The following LRMDA variants were observed in gnomAD, a reference collection of about 807,000 sequenced individuals.
LRMDA encodes leucine-rich melanocyte differentiation-associated protein.
A neutral mutation model predicts 29.8 loss-of-function variants in LRMDA; 18 were observed. That is an observed-to-expected ratio of 0.60 (90% CI 0.42 to 0.90). The LOEUF is 0.90. Ranked by LOEUF, LRMDA falls within the 40% of genes least tolerant of loss-of-function variation. The probability of loss-of-function intolerance (pLI) is 0.00; values close to 1 mark genes in which losing one functional copy is unlikely to be tolerated. For missense variants in LRMDA, 273 were observed against 273.9 expected (o/e 1.00, Z 0.02); for synonymous variants, 125 against 109.4 (o/e 1.14, Z -0.89).
chr10:75,640,329 A>G, intron 2 of LRMDA, among the ~76,000 whole-genome samples: 1 of 152,304 alleles, frequency 6.6e-6, no homozygotes, highest in African/African-American at 2.4e-5. Flanking sequence ...GTACTCTTAA[A>G]TCTGCATTTA....
At chr10:75,889,601 T>C (rs146107366) in intron 2 of LRMDA, among the ~76,000 whole-genome samples, 2 of 152,338 alleles carry the variant, frequency 1.3e-5, no homozygotes, top group African/African-American at 2.4e-5. Flanking sequence ...GATTGGGTGA[T>C]TGTGCAATTG....
chr10:75,554,969 A>C (rs1840196828), intron 2 of LRMDA, among the ~76,000 whole-genome samples: 3 of 152,118 alleles, frequency 2.0e-5, no homozygotes, highest in Admixed American at 1.3e-4. Context: ...GGTGGAGTGG[A>C]TTCTTGTTCT....
chr10:75,450,710 C>T (rs1446141911), intron 2 of LRMDA: 1 of 152,206 alleles, frequency 6.6e-6, no homozygotes, highest in Non-Finnish European at 1.5e-5. Flanking sequence ...GCATATTTAT[C>T]AGTGTGAGGG....
rs528214984 is a variant in LRMDA at position 76,402,166 on chromosome 10, C to G, written c.601+77681C>G. 5.3e-5 allele frequency: 8 copies of G among 152,122 alleles called. No homozygotes were observed. The East Asian group carries it at 1.6e-3, about 30-fold the overall frequency. The allele number at this position is 152,122 out of a possible 1,614,324, so 9.4% of individuals were successfully genotyped here. A position where few individuals can be genotyped will look rare whatever the true frequency, so the allele number is the denominator to read the frequency against. On this transcript the variant is annotated intron_variant, in intron 6 of 6. Coordinates refer to ENST00000611255, the MANE Select transcript of LRMDA (RefSeq NM_001305581.2). ...TCTGCAGGAGGTAAAGAGGTTAGGC[C>G]GTTCCAGGAATATGGGGCAGTTTCT...
chr10:76,352,688 G>A (rs1235758146), intron 6 of LRMDA, among the ~76,000 whole-genome samples: 2 of 152,118 alleles, frequency 1.3e-5, no homozygotes, highest in South Asian at 2.1e-4. Context: ...AGGGACTACT[G>A]TATACATATT....
intron 5 of LRMDA, among the ~76,000 whole-genome samples, chr10:76,312,426 G>A (rs902049418): frequency 6.6e-6 from 1 of 152,054 alleles, no homozygotes; most frequent in Non-Finnish European, 1.5e-5. Flanking sequence ...GACAGAGCTG[G>A]CTTCAACTCA....
intron 2 of LRMDA, among the ~76,000 whole-genome samples, chr10:75,802,054 C>T (rs1284114990): frequency 6.6e-6 from 1 of 152,164 alleles, no homozygotes; most frequent in South Asian, 2.1e-4. Context: ...CATGGTGGCT[C>T]ATGCCTGTAA....
At chr10:75,643,640 A>G (rs1158754380) in intron 2 of LRMDA, among the ~76,000 whole-genome samples, 1 of 152,324 alleles carries the variant, frequency 6.6e-6, no homozygotes, top group Admixed American at 6.5e-5. Flanking sequence ...GCCACATCAG[A>G]TTTCTGTTCT....
At chr10:75,841,284 A>G (rs1844536731) in intron 2 of LRMDA, among the ~76,000 whole-genome samples, 1 of 152,184 alleles carries the variant, frequency 6.6e-6, no homozygotes, top group African/African-American at 2.4e-5. Context: ...TGTGTCCTTA[A>G]AGGCCTTGAG....
intron 6 of LRMDA, among the ~76,000 whole-genome samples, chr10:76,512,181 G>A (rs1206970685): frequency 6.6e-6 from 1 of 152,154 alleles, no homozygotes; most frequent in African/African-American, 2.4e-5. Context: ...TATGTAAGAA[G>A]TGCCTTTCAT....
chr10:75,950,542 T>A (rs1846555916), intron 2 of LRMDA, among the ~76,000 whole-genome samples: 1 of 152,234 alleles, frequency 6.6e-6, no homozygotes. Flanking sequence ...GAGATGTTCA[T>A]TCCTTTCATT....
chr10:75,572,029 C>T (rs1840443025), intron 2 of LRMDA, among the ~76,000 whole-genome samples: 1 of 152,194 alleles, frequency 6.6e-6, no homozygotes, highest in Admixed American at 6.5e-5. Context: ...TTTTGGCTCA[C>T]TGCAACCTCT....
intron 2 of LRMDA, among the ~76,000 whole-genome samples, chr10:75,875,526 C>T (rs139606053): frequency 8.5e-5 from 13 of 152,256 alleles, no homozygotes; most frequent in African/African-American, 2.6e-4. Context: ...CTCCGCCTCC[C>T]GGGTTCAAGC....
At chr10:75,909,982 T>G (rs1353019050) in intron 2 of LRMDA, among the ~76,000 whole-genome samples, 2 of 152,214 alleles carry the variant, frequency 1.3e-5, no homozygotes, top group African/African-American at 4.8e-5. Flanking sequence ...TCCTTTTGCT[T>G]CTATGCACCA....
In LRMDA at chr10:76,284,975, C is replaced by A. The variant is rs190006508; in HGVS notation, c.517-39426C>A. On this transcript the variant is annotated intron_variant, in intron 5 of 6. Transcript: ENST00000611255. ...AAACCTCTTTTTCTTTATAAATTAC[C>A]CAGTCTCAAGTATGTCTTTGTTAGC... Among the ~76,000 whole-genome samples the A allele has an allele frequency of 7.2e-5, 11 of 152,202 alleles. No homozygotes were observed. In the East Asian group the frequency reaches 1.7e-3, roughly 24 times the overall value.
chr10:75,437,099 A>G (rs1011429393), intron 1 of LRMDA, among the ~76,000 whole-genome samples: 1 of 152,154 alleles, frequency 6.6e-6, no homozygotes, highest in Admixed American at 6.5e-5. Context: ...AGGATATTGC[A>G]TTGTCAGCAG....
At chr10:75,447,860 G>A (rs1844412410) in intron 2 of LRMDA, among the ~76,000 whole-genome samples, 1 of 152,210 alleles carries the variant, frequency 6.6e-6, no homozygotes, top group South Asian at 2.1e-4. Context: ...CTGCACTCCA[G>A]CCTGGGTGAC....
At chr10:76,103,910 G>A (rs909640320) in intron 5 of LRMDA, among the ~76,000 whole-genome samples, 1 of 152,026 alleles carries the variant, frequency 6.6e-6, no homozygotes, top group African/African-American at 2.4e-5. Context: ...TTAGCCAGGT[G>A]TGGTGGTGGG....
intron 5 of LRMDA, among the ~76,000 whole-genome samples, chr10:76,259,741 G>A (rs1392337396): frequency 1.3e-5 from 2 of 151,674 alleles, no homozygotes; most frequent in African/African-American, 4.9e-5. Flanking sequence ...ATATATATAT[G>A]TATATATCAG....
Sources: gnomAD v4.1 joint callset for allele counts (sites outside exome capture counted in the v4.1 genomes callset) on GRCh38, gnomAD v4.1.1 for gene constraint, MANE v1.5 for transcripts, NCBI Gene and HGNC (gene_info 2026-07-23, HGNC 2026-07-21) for gene names.